The following JAK2 variants were observed in gnomAD, a reference collection of about 807,000 sequenced individuals.
JAK2 encodes the protein tyrosine-protein kinase JAK2.
JAK2 carries 86 observed loss-of-function variants against 139.3 expected under a neutral mutation model. That is an observed-to-expected ratio of 0.62 (90% CI 0.52 to 0.74). The LOEUF (loss-of-function observed/expected upper bound fraction) is 0.74, where lower values mean the gene tolerates loss of function less well. Among genes scored for constraint, JAK2 ranks in the 30% least tolerant of loss-of-function variants. The pLI is 0.00. For missense variants in JAK2, 1,421 were observed against 1,360.3 expected (o/e 1.04, Z -0.70); for synonymous variants, 490 against 437.7 (o/e 1.12, Z -1.49).
intron 8 of JAK2, among the ~76,000 whole-genome samples, chr9:5,059,022 T>G (rs1237699215): frequency 6.6e-6 from 1 of 152,216 alleles, no homozygotes; most frequent in African/African-American, 2.4e-5. Flanking sequence ...GCGCAGATGT[T>G]TTAAAGTTTT....
In JAK2 at chr9:4,998,677, G is replaced by C. The variant is rs1188704412; in HGVS notation, c.-26+12655G>C. Among the ~76,000 whole-genome samples the C allele has an allele frequency of 3.3e-5, 5 of 151,404 alleles. No individual in the cohort carries two copies. In the East Asian group the frequency reaches 9.7e-4, roughly 29 times the overall value. On this transcript the variant is annotated intron_variant, in intron 2 of 24. Coordinates refer to ENST00000381652, the MANE Select transcript of JAK2 (RefSeq NM_004972.4). ...CTACAAATGTGGCTTTTCCTGTGTA[G>C]TCATCATTAAGCATGATTCTAAGAA...
At chr9:5,119,620 C>G (rs908582134) in intron 22 of JAK2, among the ~76,000 whole-genome samples, 1 of 151,924 alleles carries the variant, frequency 6.6e-6, no homozygotes, top group African/African-American at 2.4e-5. Flanking sequence ...TAAAATATGG[C>G]TAAGATTATA....
rs1423070813 is a variant in JAK2, at chr9:5,032,134, C to T, written c.350+2228C>T. ...CCTGGCTCAGAGGGTCCTACGCCCA[C>T]GGAGCCTCGCTCATTGCTAGCACAG... On this transcript the variant is annotated intron_variant, in intron 4 of 24. Coordinates refer to ENST00000381652, the MANE Select transcript of JAK2 (RefSeq NM_004972.4). 2.0e-5 allele frequency among the ~76,000 whole-genome samples: 3 copies of T among 152,220 alleles called. No homozygotes were observed. In the South Asian group the frequency reaches 6.2e-4, roughly 32 times the overall value.
intron 8 of JAK2, among the ~76,000 whole-genome samples, chr9:5,063,695 G>T (rs1818345692): frequency 6.6e-6 from 1 of 152,142 alleles, no homozygotes; most frequent in African/African-American, 2.4e-5. Flanking sequence ...TTGCATAAGA[G>T]TGTTTTGAAG....
chr9:5,004,056 A>C (rs1264459814), intron 2 of JAK2, among the ~76,000 whole-genome samples: 2 of 152,130 alleles, frequency 1.3e-5, no homozygotes, highest in African/African-American at 2.4e-5. Flanking sequence ...ACAACATGAC[A>C]TTTTGTTATA....
At chr9:5,015,650 A>G (rs1254416410) in intron 2 of JAK2, among the ~76,000 whole-genome samples, 1 of 151,314 alleles carries the variant, frequency 6.6e-6, no homozygotes, top group East Asian at 1.9e-4. Flanking sequence ...AAGTGATCCT[A>G]TTGTTTTCTT....
intron 4 of JAK2, among the ~76,000 whole-genome samples, chr9:5,030,394 C>G (rs1563938444): frequency 6.6e-6 from 1 of 152,000 alleles, no homozygotes; most frequent in African/African-American, 2.4e-5. Context: ...TTAGAGAAAT[C>G]TAGAAGTATT....
intron 10 of JAK2, among the ~76,000 whole-genome samples, chr9:5,067,861 TAAGA>T (rs1818674144): frequency 6.6e-6 from 1 of 151,956 alleles, no homozygotes; most frequent in Non-Finnish European, 1.5e-5. Context: ...TTACAATTAT[TAAGA>T]AAGGGCAGCC....
intron 22 of JAK2, among the ~76,000 whole-genome samples, chr9:5,120,536 G>C (rs907837808): frequency 2.0e-5 from 3 of 152,080 alleles, no homozygotes; most frequent in African/African-American, 7.2e-5. Context: ...GTAATAACTG[G>C]GGGAAAAAGT....
chr9:5,000,013 T>C (rs1414243742), intron 2 of JAK2, among the ~76,000 whole-genome samples: 1 of 152,222 alleles, frequency 6.6e-6, no homozygotes, highest in Non-Finnish European at 1.5e-5. Context: ...ATCTCATTTT[T>C]ATGTACTTTT....
intron 4 of JAK2, among the ~76,000 whole-genome samples, chr9:5,035,607 A>C: frequency 6.6e-6 from 1 of 152,266 alleles, no homozygotes; most frequent in Non-Finnish European, 1.5e-5. Context: ...GTAATCCAGC[A>C]TATAAACAGA....
At chr9:4,998,691 T>A (rs1163703186) in intron 2 of JAK2, among the ~76,000 whole-genome samples, 1 of 151,584 alleles carries the variant, frequency 6.6e-6, no homozygotes, top group Non-Finnish European at 1.5e-5. Flanking sequence ...TCATTAAGCA[T>A]GATTCTAAGA....
rs553194253 is a variant in JAK2 at position 5,075,565 on chromosome 9, A to G, written c.1864+1780A>G. Among the ~76,000 whole-genome samples the G allele has an allele frequency of 4.5e-4, 68 of 152,334 alleles. No homozygotes were observed. In the South Asian group the frequency reaches 0.014, roughly 32 times the overall value. ...CCTAGATGACAGCACATCTGTTTAT[A>G]GCATGGTTTATTGACTATTTTAAGC... On this transcript the variant is annotated intron_variant, in intron 14 of 24. Coordinates refer to ENST00000381652, the MANE Select transcript of JAK2 (RefSeq NM_004972.4).
intron 2 of JAK2, among the ~76,000 whole-genome samples, chr9:5,007,686 C>G (rs1158522765): frequency 6.6e-6 from 1 of 151,386 alleles, no homozygotes; most frequent in East Asian, 1.9e-4. Flanking sequence ...TACTTTTGCA[C>G]CAGTCTAATA....
chr9:5,120,493 C>G (rs970290158), intron 22 of JAK2, among the ~76,000 whole-genome samples: 1 of 152,108 alleles, frequency 6.6e-6, no homozygotes, highest in Non-Finnish European at 1.5e-5. Context: ...TTCGAAAAGG[C>G]TCTTTTGTTT....
At chr9:5,119,334 T>A (rs1174313263) in intron 22 of JAK2, among the ~76,000 whole-genome samples, 1 of 152,042 alleles carries the variant, frequency 6.6e-6, no homozygotes, top group Non-Finnish European at 1.5e-5. Context: ...ATGAAGCATA[T>A]CCAGAGGTCC....
chr9:5,108,755 A>G (rs140350808), intron 22 of JAK2: 1 of 152,172 alleles, frequency 6.6e-6, no homozygotes, highest in Non-Finnish European at 1.5e-5. Flanking sequence ...TTTGTCTACA[A>G]ACCGATGTAA....
intron 22 of JAK2, among the ~76,000 whole-genome samples, chr9:5,120,066 A>G (rs974146312): frequency 6.6e-5 from 10 of 152,224 alleles, no homozygotes; most frequent in Non-Finnish European, 1.0e-4. Context: ...TCACACTTCT[A>G]GAGGTTAGGA....
chr9:5,086,006 T>C, intron 19 of JAK2: 1 of 832,748 alleles, frequency 1.2e-6, no homozygotes, highest in Non-Finnish European at 2.1e-6. Context: ...GATGAAACTG[T>C]GATATACTAT....
Sources: allele counts gnomAD v4.1 joint callset (sites outside exome capture counted in the v4.1 genomes callset), GRCh38; gene constraint gnomAD v4.1.1; transcripts MANE v1.5; gene names NCBI Gene and HGNC (gene_info 2026-07-23, HGNC 2026-07-21).